GPHN: variants seen among roughly 807,000 people sequenced by gnomAD.
GPHN encodes gephyrin.
GPHN carries 17 observed loss-of-function variants against 95.5 expected under a neutral mutation model. That is an observed-to-expected ratio of 0.18 (90% CI 0.12 to 0.27). GPHN has a LOEUF of 0.27. GPHN is among the 10% of genes least tolerant of loss of function. The probability of loss-of-function intolerance (pLI) is 1.00; values close to 1 mark genes in which losing one functional copy is unlikely to be tolerated. For synonymous variants in GPHN, 320 were observed against 322.5 expected (o/e 0.99, Z 0.08); for missense variants, 660 against 978.1 (o/e 0.67, Z 4.34).
chr14:67,101,583 C>G (rs2077698568), intron 13 of GPHN, among the ~76,000 whole-genome samples: 1 of 151,360 alleles, frequency 6.6e-6, no homozygotes, highest in African/African-American at 2.4e-5. Context: ...TAATTTCTAT[C>G]AGGTCTTTCT....
chr14:66,712,235 C>T (rs1325778091), intron 2 of GPHN, among the ~76,000 whole-genome samples: 1 of 152,198 alleles, frequency 6.6e-6, no homozygotes, highest in East Asian at 1.9e-4. Flanking sequence ...TATTTCTCCA[C>T]ATCTTCTCCA....
chr14:67,178,931 A>G (rs1045615685), intron 21 of GPHN, among the ~76,000 whole-genome samples: 6 of 152,220 alleles, frequency 3.9e-5, no homozygotes, highest in South Asian at 2.1e-4. Context: ...GCTGAAAGAA[A>G]AAAAAAATGC....
At chr14:67,364,492 A>G in the GPHN span, 2 of 332,928 alleles carry the variant, frequency 6.0e-6, no homozygotes, top group African/African-American at 4.3e-5. Flanking sequence ...GGAGTACTTT[A>G]TAGATGGTCA....
At chr14:66,871,624 A>G (rs922116126) in intron 4 of GPHN, among the ~76,000 whole-genome samples, 23 of 152,178 alleles carry the variant, frequency 1.5e-4, no homozygotes, top group African/African-American at 5.5e-4. Context: ...AGATTGGATA[A>G]TGACATGGAT....
At chr14:66,823,418 A>T (rs1362858496) in intron 3 of GPHN, 1 of 152,226 alleles carries the variant, frequency 6.6e-6, no homozygotes, top group African/African-American at 2.4e-5. Context: ...TTATGAAACC[A>T]CTTTATAAGC....
the GPHN span, among the ~76,000 whole-genome samples, chr14:67,372,126 T>A: frequency 1.3e-5 from 2 of 150,638 alleles, no homozygotes; most frequent in African/African-American, 4.9e-5. Context: ...TCTTTTTATT[T>A]AAAAAAAAAA....
chr14:67,694,512 A>C, the GPHN span, among the ~76,000 whole-genome samples: 1 of 139,824 alleles, frequency 7.2e-6, no homozygotes, highest in African/African-American at 2.7e-5. Flanking sequence ...ATATACACAC[A>C]TATATTTTTT....
At chr14:66,919,011 T>G (rs2038398) in intron 6 of GPHN, among the ~76,000 whole-genome samples, 37,625 of 152,080 alleles carry the variant, frequency 0.25, 9,372 homozygotes, top group African/African-American at 0.61. Flanking sequence ...GGCCTTATAT[T>G]CTGATTTTTA....
At chr14:66,669,128 C>A (rs7492305) in intron 1 of GPHN, among the ~76,000 whole-genome samples, 2,022 of 152,192 alleles carry the variant, frequency 0.013, 20 homozygotes, top group Middle Eastern at 0.02. Flanking sequence ...CTTTGCAAGG[C>A]CAAGACGGGT....
chr14:67,153,949 G>C (rs999707803), intron 18 of GPHN, among the ~76,000 whole-genome samples: 3 of 152,162 alleles, frequency 2.0e-5, no homozygotes, highest in African/African-American at 7.2e-5. Context: ...GGAGCATGAA[G>C]CACTTCTTCA....
the GPHN span, among the ~76,000 whole-genome samples, chr14:67,695,066 T>C: frequency 6.6e-6 from 1 of 152,226 alleles, no homozygotes; most frequent in African/African-American, 2.4e-5. Context: ...CCCGTGCTCC[T>C]GCTCGCAAGG....
chr14:67,244,011 A>G, the GPHN span, among the ~76,000 whole-genome samples: 2 of 152,230 alleles, frequency 1.3e-5, no homozygotes, highest in Non-Finnish European at 2.9e-5. Flanking sequence ...TCCATATTCT[A>G]AATTCAGTGC....
At chr14:66,746,699 A>G (rs572459815) in intron 2 of GPHN, among the ~76,000 whole-genome samples, 1 of 152,118 alleles carries the variant, frequency 6.6e-6, no homozygotes, top group African/African-American at 2.4e-5. Flanking sequence ...CAAAAAAGAA[A>G]TTGTTTCTTT....
chr14:66,719,025 C>T (rs1038613688), intron 2 of GPHN, among the ~76,000 whole-genome samples: 22 of 152,186 alleles, frequency 1.4e-4, no homozygotes, highest in African/African-American at 5.3e-4. Context: ...AGCTCCCACG[C>T]AATCCACAGG....
At chr14:67,305,785 T>C in the GPHN span, among the ~76,000 whole-genome samples, 23 of 152,226 alleles carry the variant, frequency 1.5e-4, no homozygotes, top group Non-Finnish European at 2.8e-4. Context: ...TACTTATCCT[T>C]TAGTGGTTAT....
At chr14:67,200,098 C>G in the GPHN span, 1 of 1,023,648 alleles carries the variant, frequency 9.8e-7, no homozygotes, top group Non-Finnish European at 1.5e-6. Context: ...TCCTGGACCT[C>G]CTCCAATGGG....
the GPHN span, among the ~76,000 whole-genome samples, chr14:67,277,780 A>C: frequency 6.6e-6 from 1 of 152,168 alleles, no homozygotes; most frequent in Non-Finnish European, 1.5e-5. Flanking sequence ...TAATTAATGT[A>C]AGTATACATT....
the GPHN span, chr14:67,725,151 C>T: frequency 3.8e-5 from 62 of 1,614,046 alleles, no homozygotes; most frequent in Admixed American, 1.5e-4. Flanking sequence ...AGTCTGCTGC[C>T]AGTGAAATCC....
At chr14:66,587,641 A>G (rs2061476108) in intron 1 of GPHN, among the ~76,000 whole-genome samples, 1 of 152,240 alleles carries the variant, frequency 6.6e-6, no homozygotes, top group Non-Finnish European at 1.5e-5. Context: ...ATCTGAATAG[A>G]TGCAGAAGAG....
Sources: gnomAD v4.1 joint callset for allele counts (sites outside exome capture counted in the v4.1 genomes callset) on GRCh38, gnomAD v4.1.1 for gene constraint, MANE v1.5 for transcripts, NCBI Gene and HGNC (gene_info 2026-07-23, HGNC 2026-07-21) for gene names.